Variants in PCDHGB1 observed in about 807,000 individuals in gnomAD.
PCDHGB1 encodes the protein protocadherin gamma-B1.
A neutral mutation model predicts 56.6 loss-of-function variants in PCDHGB1; 34 were observed. That is an observed-to-expected ratio of 0.60 (90% CI 0.46 to 0.80). PCDHGB1 has a LOEUF of 0.80. Among genes scored for constraint, PCDHGB1 ranks in the 30% least tolerant of loss-of-function variants. The probability of loss-of-function intolerance (pLI) is 0.00; values close to 1 mark genes in which losing one functional copy is unlikely to be tolerated. For missense variants in PCDHGB1, 1,278 were observed against 1,204.6 expected (o/e 1.06, Z -0.90); for synonymous variants, 561 against 505.9 (o/e 1.11, Z -1.46).
chr5:141,377,575 G>C (rs2150112851), intron 1 of PCDHGB1: 1 of 150,404 alleles, frequency 6.6e-6, no homozygotes, highest in African/African-American at 2.4e-5. Context: ...TAGCCTGGGA[G>C]ACAGAATGAG....
At position 141,476,813 on chromosome 5, in the gene PCDHGB1, A is replaced by G. The variant is rs749333814; in HGVS notation, c.2410-17994A>G. The G allele has an allele frequency of 6.8e-6, 11 of 1,613,548 alleles. No individual in the cohort carries two copies. Among genetic ancestry groups the G allele is most frequent in the Non-Finnish European group, 9.3e-6 (11 of 1,180,022 alleles). On this transcript the variant is annotated intron_variant, in intron 1 of 3. Transcript: ENST00000523390. The surrounding 1 kb of genome is among the most constrained non-coding windows in gnomAD (Gnocchi z 7.6). ...CTCCGCCAGCCTGCCTATTCACATC[A>G]AGGTGCTGGACGCGAATGACAATGC...
In PCDHGB1 at chr5:141,356,785, C is replaced by A. The variant is rs377527999; in HGVS notation, c.2409+4116C>A. 55 of 1,613,962 alleles carry A rather than the reference C, an allele frequency of 3.4e-5. No individual in the cohort carries two copies. The highest frequency in any genetic ancestry group is 6.7e-5 in the Admixed American group (4 of 60,030). On this transcript the variant is annotated intron_variant, in intron 1 of 3. Transcript: ENST00000523390. The stretch of plus-strand genomic sequence containing the variant: ...CGACTATGAGCAGTTTAGAGACCTG[C>A]AGCTGCTGATGACAGCCAGTGACAG...
At position 141,423,758 on chromosome 5, in the gene PCDHGB1, G is replaced by GC. The variant is rs1554116873; in HGVS notation, c.2410-71049_2410-71048insC. 1.7e-4 allele frequency: 62 copies of GC among 366,836 alleles called. 2 individuals are homozygous for GC. The highest frequency in any genetic ancestry group is 4.2e-4 in the Middle Eastern group (1 of 2,358). The allele number at this position is 366,836 out of a possible 1,614,324, so 22.7% of individuals were successfully genotyped here. Reference sequence around the variant, plus strand: ...CTGTTATGAAAACTGTTTGGGGGGGGGGTGGGGCGGCATATATTTAGTTCA... The same window carrying GC: ...CTGTTATGAAAACTGTTTGGGGGGGGCGGTGGGGCGGCATATATTTAGTTCA... On this transcript the variant is annotated intron_variant, in intron 1 of 3. Coordinates refer to ENST00000523390, the MANE Select transcript of PCDHGB1 (RefSeq NM_018922.3).
At chr5:141,426,678 T>C (rs2096951425) in intron 1 of PCDHGB1, 2 of 431,490 alleles carry the variant, frequency 4.6e-6, no homozygotes, top group Admixed American at 5.1e-5. Flanking sequence ...CCCACCTCAT[T>C]TTCCCCAAAA....
Position 141,372,073 on chromosome 5 carries a change from C to T in PCDHGB1, c.2409+19404C>T, listed in dbSNP as rs774208540. 6.2e-7 allele frequency: 1 copy of T among 1,613,648 alleles called. No homozygotes were observed. Among genetic ancestry groups the T allele is most frequent in the East Asian group, 2.2e-5 (1 of 44,880 alleles). On this transcript the variant is annotated intron_variant, in intron 1 of 3. Coordinates refer to ENST00000523390, the MANE Select transcript of PCDHGB1 (RefSeq NM_018922.3). ...GTGGACGACCGCAACGACAATGCACCGCTGGTGCTGTACCCAGCTCTGGGG... is the reference window on the plus strand; with the variant it reads ...GTGGACGACCGCAACGACAATGCACTGCTGGTGCTGTACCCAGCTCTGGGG...
chr5:141,366,628 T>A, intron 1 of PCDHGB1: 1 of 1,614,132 alleles, frequency 6.2e-7, no homozygotes, highest in Admixed American at 1.7e-5. Flanking sequence ...CGAGGAAGAG[T>A]CACCTGATCT....
chr5:141,371,319 T>C (rs776468783), intron 1 of PCDHGB1: 27 of 1,613,954 alleles, frequency 1.7e-5, no homozygotes, highest in Non-Finnish European at 2.3e-5. Context: ...AGAACTGGAC[T>C]TTGAAGAGAG....
rs748189764 is a variant in PCDHGB1 at position 141,404,578 on chromosome 5, T to G, written c.2409+51909T>G. 1.9e-6 allele frequency: 3 copies of G among 1,613,950 alleles called. No homozygotes were observed. The Admixed American group carries it at 5.0e-5, about 27-fold the overall frequency. On this transcript the variant is annotated intron_variant, in intron 1 of 3. Coordinates refer to ENST00000523390, the MANE Select transcript of PCDHGB1 (RefSeq NM_018922.3). ...CAAGTGACAGTGGAAGCCCACCACTTAGCAGCAATGTGTCATTGAGACTGT... is the reference window on the plus strand; with the variant it reads ...CAAGTGACAGTGGAAGCCCACCACTGAGCAGCAATGTGTCATTGAGACTGT...
Position 141,431,668 on chromosome 5 carries a change from A to C in PCDHGB1, c.2410-63139A>C. ...ATTGTAATTCAGGGACAATATCAAC[A>C]ATAGGGGAGTTGGACCACGAGGAGT... is the stretch of plus-strand genomic sequence containing the variant. On this transcript the variant is annotated intron_variant, in intron 1 of 3. Coordinates refer to ENST00000523390, the MANE Select transcript of PCDHGB1 (RefSeq NM_018922.3). This position sits in a 1 kb window ranked among gnomAD's most constrained non-coding sequence, Gnocchi z 4.8. The C allele has an allele frequency of 6.2e-7, 1 of 1,614,208 alleles. No individual in the cohort carries two copies. Among genetic ancestry groups the C allele is most frequent in the Non-Finnish European group, 8.5e-7 (1 of 1,180,036 alleles).
At chr5:141,482,530 C>CAAAAAAAAAAAA (rs3074545) in intron 1 of PCDHGB1, among the ~76,000 whole-genome samples, 11 of 76,552 alleles carry the variant, frequency 1.4e-4, no homozygotes, top group African/African-American at 2.9e-4. Flanking sequence ...GACAGACATG[C>CAAAAAAAAAAAA]AAAAAAAAAA....
At chr5:141,389,440 A>C (rs769871337) in intron 1 of PCDHGB1, 3 of 1,610,596 alleles carry the variant, frequency 1.9e-6, no homozygotes, top group Non-Finnish European at 2.5e-6. Context: ...CGCGCCTTCG[A>C]CCACGAGCAG....
chr5:141,375,822 G>C (rs1439795137), intron 1 of PCDHGB1: 3 of 1,614,144 alleles, frequency 1.9e-6, no homozygotes. Context: ...CTGGCGCCCC[G>C]CTCCGCAGAG....
In PCDHGB1 at chr5:141,389,374, G is replaced by A. The variant is rs192606668; in HGVS notation, c.2409+36705G>A. On this transcript the variant is annotated intron_variant, in intron 1 of 3. Coordinates refer to ENST00000523390, the MANE Select transcript of PCDHGB1 (RefSeq NM_018922.3). Reference sequence around the variant, plus strand: ...ATCATGGCCAGTGACCTGGAGCAGCGGGAGCTGTCATCCTACGTGTCCATA... The same window carrying A: ...ATCATGGCCAGTGACCTGGAGCAGCAGGAGCTGTCATCCTACGTGTCCATA... 1,030 of 1,613,784 alleles carry A rather than the reference G, an allele frequency of 6.4e-4. 16 individuals are homozygous for A. The East Asian group carries it at 0.021, about 33-fold the overall frequency.
chr5:141,432,413 G>C lies in PCDHGB1; in HGVS notation c.2410-62394G>C, dbSNP rs369816901. 9 of 1,614,114 alleles carry C rather than the reference G, an allele frequency of 5.6e-6. No homozygotes were observed. The highest frequency in any genetic ancestry group is 1.3e-5 in the African/African-American group (1 of 74,946). ...CAGCAACGTGTCGTTGAGCCTGTTCGTGCTGGACCAGAACGACAATGCGCC... is the reference window on the plus strand; with the variant it reads ...CAGCAACGTGTCGTTGAGCCTGTTCCTGCTGGACCAGAACGACAATGCGCC... On this transcript the variant is annotated intron_variant, in intron 1 of 3. Coordinates refer to ENST00000523390, the MANE Select transcript of PCDHGB1 (RefSeq NM_018922.3). This position sits in a 1 kb window ranked among gnomAD's most constrained non-coding sequence, Gnocchi z 6.0.
intron 1 of PCDHGB1, chr5:141,433,358 CCTATCTATCTATCTAT>C (rs3074541): frequency 2.0e-4 from 99 of 504,042 alleles, no homozygotes; most frequent in East Asian, 3.1e-4. Flanking sequence ...CTACTGTCTG[CCTATCTATCTATCTAT>C]CTATCTATCT....
intron 1 of PCDHGB1, chr5:141,387,709 A>C (rs1404514491): frequency 3.7e-5 from 37 of 1,008,514 alleles, no homozygotes; most frequent in Admixed American, 1.5e-4. Flanking sequence ...GGGCAGCCCC[A>C]GCTCAGACTC....
intron 1 of PCDHGB1, chr5:141,398,999 A>C: frequency 6.2e-7 from 1 of 1,613,964 alleles, no homozygotes; most frequent in East Asian, 2.2e-5. Context: ...TTTAGTCTGA[A>C]TTCAAAGAGC....
Position 141,476,340 on chromosome 5 carries a change from G to A in PCDHGB1, c.2410-18467G>A, listed in dbSNP as rs760616287. The A allele has an allele frequency of 2.2e-5, 36 of 1,614,068 alleles. No homozygotes were observed. In the Admixed American group the frequency reaches 2.5e-4, roughly 11 times the overall value. On this transcript the variant is annotated intron_variant, in intron 1 of 3. Transcript: ENST00000523390. The surrounding 1 kb of genome is among the most constrained non-coding windows in gnomAD (Gnocchi z 7.6). The stretch of plus-strand genomic sequence containing the variant: ...CGGGTGGTGTCTGGAGCTAGCCGAA[G>A]ATTCTTTGAGGTGAACCGGGAGACC...
intron 1 of PCDHGB1, chr5:141,388,302 C>G: frequency 6.2e-7 from 1 of 1,613,700 alleles, no homozygotes; most frequent in Non-Finnish European, 8.5e-7. Context: ...TTCCTTTGAG[C>G]TGCAAATAAG....
Sources: allele counts gnomAD v4.1 joint callset (sites outside exome capture counted in the v4.1 genomes callset), GRCh38; gene constraint gnomAD v4.1.1; non-coding constraint Gnocchi (gnomAD v3.1); transcripts MANE v1.5; gene names NCBI Gene and HGNC (gene_info 2026-07-23, HGNC 2026-07-21).